SGK3: variants seen among roughly 807,000 people sequenced by gnomAD.
The protein encoded by SGK3 is serine/threonine-protein kinase Sgk3.
Under a neutral mutation model 68.5 loss-of-function variants are expected in SGK3, and 47 were observed. The observed-to-expected ratio is 0.69, with a 90% CI of 0.54 to 0.87. The LOEUF (loss-of-function observed/expected upper bound fraction) is 0.87. SGK3 is among the 40% of genes least tolerant of loss of function. SGK3 has a pLI of 0.00. For missense variants in SGK3, 479 were observed against 575.5 expected, an observed-to-expected ratio of 0.83 and a Z score of 1.72; for synonymous variants, 181 against 189.1, an observed-to-expected ratio of 0.96 and a Z score of 0.35.
intron 8 of SGK3, among the ~76,000 whole-genome samples, chr8:66,831,772 A>C (rs374847954): frequency 2.3e-4 from 35 of 152,328 alleles, no homozygotes; most frequent in East Asian, 1.5e-3. Flanking sequence ...TACTAACAAT[A>C]ATTAGGGAGA....
intron 4 of SGK3, among the ~76,000 whole-genome samples, chr8:66,809,414 T>G (rs973653847): frequency 3.3e-5 from 5 of 152,186 alleles, no homozygotes; most frequent in Admixed American, 2.6e-4. Flanking sequence ...TGAAGTTTGA[T>G]CAAAAGAACA....
Position 66,793,781 on chromosome 8 carries a change from T to A in SGK3, c.45T>A (p.Ser15Arg). The A allele has an allele frequency of 6.2e-7, 1 of 1,613,474 alleles. No individual in the cohort carries two copies. Among genetic ancestry groups the A allele is most frequent in the Non-Finnish European group, 8.5e-7 (1 of 1,179,630 alleles). The change falls in exon 2 of 17, where the codon AGT becomes AGA. Residue 15 changes from serine (S) to arginine (R), a missense_variant. Around this residue, in one of 3 missense-constraint regions of SGK3, gnomAD observed 298 missense variants for 329.4 expected, o/e 0.90. Transcript: ENST00000521198. ...HTMDYKESCPSVSIPSSDEHR... is the reference protein window; with the variant it reads ...HTMDYKESCPRVSIPSSDEHR... ...TGGACTACAAGGAAAGCTGCCCAAG[T>A]GTAAGCATTCCCAGCTCCGATGAAC...
At chr8:66,775,001 C>A (rs932664995) in intron 1 of SGK3, among the ~76,000 whole-genome samples, 3 of 152,226 alleles carry the variant, frequency 2.0e-5, no homozygotes, top group African/African-American at 7.2e-5. Context: ...TTTCTGTCTC[C>A]CAAATGCTGG....
Position 66,840,090 on chromosome 8 carries a change from T to C in SGK3, c.829T>C (p.Leu277=), listed in dbSNP as rs772651417. 7.4e-6 allele frequency: 12 copies of C among 1,613,978 alleles called. No individual in the cohort carries two copies. Among genetic ancestry groups the C allele is most frequent in the Non-Finnish European group, 1.0e-5 (12 of 1,179,990 alleles). ...AAEIASALGY[L]HSIKIVYRDL... ...TGAAATTGCTAGTGCATTGGGTTAC[T>C]TACATTCCATCAAAATAGTATACAG... is the stretch of plus-strand genomic sequence containing the variant. The change falls in exon 11 of 17, where the codon TTA becomes CTA. Residue 277 remains leucine, a synonymous_variant. Coordinates refer to ENST00000521198, the MANE Select transcript of SGK3 (RefSeq NM_001033578.3).
At chr8:66,757,731 A>G (rs976673651) in intron 1 of SGK3, among the ~76,000 whole-genome samples, 3 of 151,290 alleles carry the variant, frequency 2.0e-5, no homozygotes, top group Non-Finnish European at 4.4e-5. Context: ...CCTGGCCAAC[A>G]TGGTGAAACC....
At chr8:66,746,509 G>A (rs1232104560) in intron 1 of SGK3, among the ~76,000 whole-genome samples, 1 of 151,980 alleles carries the variant, frequency 6.6e-6, no homozygotes, top group African/African-American at 2.4e-5. Flanking sequence ...TTTTGCTTGA[G>A]GCCAGGAGTT....
At chr8:66,787,069 G>A (rs532633295) in intron 1 of SGK3, among the ~76,000 whole-genome samples, 112 of 150,524 alleles carry the variant, frequency 7.4e-4, no homozygotes, top group African/African-American at 2.7e-3. Context: ...TCAGCCCTCC[G>A]AGTAGCTGGG....
intron 1 of SGK3, among the ~76,000 whole-genome samples, chr8:66,743,221 A>G (rs1235535793): frequency 6.6e-6 from 1 of 152,250 alleles, no homozygotes; most frequent in Non-Finnish European, 1.5e-5. Flanking sequence ...AATAAAAGAA[A>G]CTTGAAAATA....
intron 1 of SGK3, among the ~76,000 whole-genome samples, chr8:66,727,217 T>G (rs1805011731): frequency 6.6e-6 from 1 of 152,120 alleles, no homozygotes; most frequent in Non-Finnish European, 1.5e-5. Context: ...CCCTCCCACC[T>G]AAGCCTCCGG....
chr8:66,738,391 C>G (rs916162440), intron 1 of SGK3, among the ~76,000 whole-genome samples: 1 of 152,116 alleles, frequency 6.6e-6, no homozygotes, highest in Non-Finnish European at 1.5e-5. Context: ...CAGATGTGAC[C>G]GTTGTCATTC....
chr8:66,846,936 A>G (rs1042293555), intron 14 of SGK3, among the ~76,000 whole-genome samples: 1 of 152,218 alleles, frequency 6.6e-6, no homozygotes. Flanking sequence ...TACAAGTTGT[A>G]TATAATTTAA....
chr8:66,839,512 T>G (rs1585795970), intron 10 of SGK3, among the ~76,000 whole-genome samples: 2 of 28,926 alleles, frequency 6.9e-5, no homozygotes, highest in African/African-American at 1.5e-4. Context: ...TATATATATA[T>G]ATATATATAT....
chr8:66,749,635 G>T (rs902032080), intron 1 of SGK3, among the ~76,000 whole-genome samples: 4 of 151,930 alleles, frequency 2.6e-5, no homozygotes, highest in Non-Finnish European at 5.9e-5. Flanking sequence ...GAGATAATTT[G>T]GTTCAAATCA....
At chr8:66,819,903 C>T (rs377674610) in intron 5 of SGK3, among the ~76,000 whole-genome samples, 6 of 151,770 alleles carry the variant, frequency 4.0e-5, no homozygotes, top group African/African-American at 1.2e-4. Flanking sequence ...CAGCAGACTC[C>T]GCCTCCTGGG....
At chr8:66,834,129 A>G in intron 8 of SGK3, among the ~76,000 whole-genome samples, 1 of 152,368 alleles carries the variant, frequency 6.6e-6, no homozygotes, top group South Asian at 2.1e-4. Context: ...AGGTATATAC[A>G]GGAATGTTTA....
chr8:66,756,372 T>TA (rs1297474788), intron 1 of SGK3, among the ~76,000 whole-genome samples: 9 of 150,500 alleles, frequency 6.0e-5, no homozygotes, highest in Middle Eastern at 3.4e-3. Flanking sequence ...CCAGATGGAG[T>TA]AAAAAAAAAT....
intron 4 of SGK3, among the ~76,000 whole-genome samples, chr8:66,805,347 G>A (rs1384213692): frequency 4.0e-5 from 6 of 151,446 alleles, no homozygotes; most frequent in South Asian, 2.1e-4. Flanking sequence ...GTGAAACCCC[G>A]TCTCTACTAA....
intron 1 of SGK3, among the ~76,000 whole-genome samples, chr8:66,767,136 C>A (rs554603987): frequency 6.6e-6 from 1 of 152,334 alleles, no homozygotes; most frequent in African/African-American, 2.4e-5. Flanking sequence ...TCAGCCACCA[C>A]ACCCGGTCAA....
intron 1 of SGK3, among the ~76,000 whole-genome samples, chr8:66,728,469 G>A (rs867592875): frequency 4.2e-4 from 64 of 152,024 alleles, no homozygotes; most frequent in Middle Eastern, 6.8e-3. Flanking sequence ...TGGGATTATA[G>A]GTACCCACCA....
Sources: gnomAD v4.1 joint callset for allele counts (sites outside exome capture counted in the v4.1 genomes callset) on GRCh38, gnomAD v4.1.1 for gene constraint, gnomAD v4.1.1 regional missense constraint, MANE v1.5 for transcripts, NCBI Gene and HGNC (gene_info 2026-07-23, HGNC 2026-07-21) for gene names.